Variants in GLIS3 observed in about 807,000 individuals in gnomAD.
GLIS3 encodes the protein GLIS family zinc finger 3.
A neutral mutation model predicts 78.6 loss-of-function variants in GLIS3; 53 were observed. The ratio of observed to expected loss-of-function variants is 0.67; its 90% CI spans 0.54 to 0.85. GLIS3 has a LOEUF of 0.85. GLIS3 is among the 40% of genes least tolerant of loss of function. The pLI is 0.00. For missense variants in GLIS3, 1,703 were observed against 1,231.1 expected (o/e 1.38, Z -5.74); for synonymous variants, 684 against 509.9 (o/e 1.34, Z -4.60).
chr9:4,058,172 CTA>C (rs1826302718), intron 4 of GLIS3, among the ~76,000 whole-genome samples: 1 of 152,044 alleles, frequency 6.6e-6, no homozygotes, highest in African/African-American at 2.4e-5. Context: ...CAGGATTTAG[CTA>C]TGAGCCTAGC....
chr9:4,370,426 A>C, the GLIS3 span, among the ~76,000 whole-genome samples: 1 of 151,998 alleles, frequency 6.6e-6, no homozygotes, highest in Admixed American at 6.5e-5. Context: ...GGTTCTCGTT[A>C]GATTTTCAGC....
chr9:4,274,379 G>C (rs765626950), intron 2 of GLIS3, among the ~76,000 whole-genome samples: 1 of 152,024 alleles, frequency 6.6e-6, no homozygotes. Flanking sequence ...ACTTAACATT[G>C]ATTGGGTTCC....
rs570941434 is a variant in GLIS3, at chr9:4,217,869, A to C, written c.388+68169T>G. Among the ~76,000 whole-genome samples the C allele has an allele frequency of 2.0e-5, 3 of 152,358 alleles. No individual in the cohort carries two copies. In the South Asian group the frequency reaches 6.2e-4, roughly 32 times the overall value. ...CAGCAGCATGAAATAGTATTTAATA[A>C]AACAACCAACAGACAATAATGGCCT... On this transcript the variant is annotated intron_variant, in intron 2 of 10. Coordinates refer to ENST00000381971, the MANE Select transcript of GLIS3 (RefSeq NM_001042413.2).
At chr9:4,010,837 G>A (rs1026994378) in intron 4 of GLIS3, among the ~76,000 whole-genome samples, 1 of 152,160 alleles carries the variant, frequency 6.6e-6, no homozygotes, top group Non-Finnish European at 1.5e-5. Context: ...AAACTCTGAC[G>A]TATGAACCCA....
At chr9:3,948,457 T>C (rs1017567) in intron 4 of GLIS3, among the ~76,000 whole-genome samples, 31,143 of 152,100 alleles carry the variant, frequency 0.2, 3,439 homozygotes, top group African/African-American at 0.28. Flanking sequence ...AGTTATTCAA[T>C]CACTGTCATG....
the GLIS3 span, among the ~76,000 whole-genome samples, chr9:4,452,532 G>A: frequency 1.8e-4 from 28 of 152,044 alleles, no homozygotes; most frequent in African/African-American, 6.0e-4. Flanking sequence ...ACCAATAATA[G>A]GCAAACAGCC....
chr9:4,409,728 T>C, the GLIS3 span, among the ~76,000 whole-genome samples: 1 of 152,092 alleles, frequency 6.6e-6, no homozygotes, highest in African/African-American at 2.4e-5. Context: ...GAACAAATGA[T>C]AAATCACAAA....
chr9:4,229,668 A>G (rs766536495), intron 2 of GLIS3, among the ~76,000 whole-genome samples: 47 of 152,356 alleles, frequency 3.1e-4, no homozygotes, highest in Non-Finnish European at 5.3e-4. Context: ...GCTTTGATAT[A>G]AAAAGGTTTT....
At chr9:4,128,375 T>C (rs774031999) in intron 2 of GLIS3, among the ~76,000 whole-genome samples, 7 of 152,274 alleles carry the variant, frequency 4.6e-5, no homozygotes, top group Non-Finnish European at 1.0e-4. Flanking sequence ...TTCTCACTTT[T>C]ATACTTCACT....
At chr9:3,848,594 C>G (rs1480433978) in intron 9 of GLIS3, among the ~76,000 whole-genome samples, 2 of 152,156 alleles carry the variant, frequency 1.3e-5, no homozygotes, top group Non-Finnish European at 2.9e-5. Flanking sequence ...GGCTACAGCC[C>G]ATAGGCATCT....
intron 6 of GLIS3, among the ~76,000 whole-genome samples, chr9:3,907,605 A>AACACACACACACACACAC (rs1041005940): frequency 5.4e-5 from 5 of 92,320 alleles, no homozygotes; most frequent in Admixed American, 1.1e-4. Context: ...CCACCCCCCA[A>AACACACACACACACACAC]ACACACACAC....
chr9:4,260,390 C>T (rs751886787), intron 2 of GLIS3, among the ~76,000 whole-genome samples: 1 of 152,032 alleles, frequency 6.6e-6, no homozygotes, highest in Non-Finnish European at 1.5e-5. Flanking sequence ...CATGGTGAAA[C>T]CCCAACTCTA....
intron 4 of GLIS3, among the ~76,000 whole-genome samples, chr9:4,088,898 CT>C (rs1333728307): frequency 6.6e-6 from 1 of 152,214 alleles, no homozygotes; most frequent in Admixed American, 6.5e-5. Context: ...GTCCAAAGGG[CT>C]TCACCCCAAA....
intron 6 of GLIS3, among the ~76,000 whole-genome samples, chr9:3,908,719 T>TTC (rs1260012995): frequency 6.9e-6 from 1 of 145,600 alleles, no homozygotes; most frequent in African/African-American, 2.6e-5. Context: ...TTTTTTTTTT[T>TTC]TTTTTTTTTG....
In GLIS3 at chr9:4,053,705, T is replaced by TTAA. The variant is rs1554682400; in HGVS notation, c.1710+64062_1710+64063insTTA. 2.2e-5 allele frequency among the ~76,000 whole-genome samples: 2 copies of TTAA among 91,128 alleles called. 1 individual carries two copies. The highest frequency in any genetic ancestry group is 4.6e-5 in the Non-Finnish European group (2 of 43,824). 59.8% of individuals were successfully genotyped at this position (91,128 alleles called of 152,430 possible). A position where few individuals can be genotyped will look rare whatever the true frequency, so the allele number is the denominator to read the frequency against. The stretch of plus-strand genomic sequence containing the variant: ...AGTGCCTACTTGTTTTCTTTCTTCA[T>TTAA]AAAAAAAAAAAAAAAAAATTCTGGA... On this transcript the variant is annotated intron_variant, in intron 4 of 10. Transcript: ENST00000381971.
intron 2 of GLIS3, among the ~76,000 whole-genome samples, chr9:4,221,993 G>T (rs143259702): frequency 4.6e-5 from 7 of 152,322 alleles, no homozygotes; most frequent in Non-Finnish European, 7.3e-5. Context: ...CCTGTGCACA[G>T]AACCAGAAAG....
chr9:3,920,944 G>A (rs1824848298), intron 6 of GLIS3, among the ~76,000 whole-genome samples: 1 of 152,156 alleles, frequency 6.6e-6, no homozygotes, highest in African/African-American at 2.4e-5. Context: ...TCAAAGCTCA[G>A]TGATGTCCTT....
chr9:3,855,949 G>T, intron 9 of GLIS3, 60 bp downstream of exon 9: 1 of 1,554,840 alleles, frequency 6.4e-7, no homozygotes, highest in South Asian at 1.1e-5. Context: ...TAACTAAGAT[G>T]AAAAGCAACA....
At chr9:4,220,091 G>T (rs1821188656) in intron 2 of GLIS3, among the ~76,000 whole-genome samples, 1 of 152,064 alleles carries the variant, frequency 6.6e-6, no homozygotes, top group African/African-American at 2.4e-5. Flanking sequence ...GCATAAAAGG[G>T]CTCCCACTGA....
Sources: allele counts gnomAD v4.1 joint callset (sites outside exome capture counted in the v4.1 genomes callset), GRCh38; gene constraint gnomAD v4.1.1; transcripts MANE v1.5; gene names NCBI Gene and HGNC (gene_info 2026-07-23, HGNC 2026-07-21).